The following PTPRT variants were observed in gnomAD, a reference collection of about 807,000 sequenced individuals.
The protein encoded by PTPRT is receptor-type tyrosine-protein phosphatase T.
In PTPRT, 56 loss-of-function variants were observed where a neutral mutation model predicts 176.8. The ratio of observed to expected loss-of-function variants is 0.32; its 90% confidence interval spans 0.26 to 0.40. The LOEUF (loss-of-function observed/expected upper bound fraction) is 0.40. Ranked by LOEUF, PTPRT falls within the 10% of genes least tolerant of loss-of-function variation. The pLI is 1.00. For missense variants in PTPRT, 1,540 were observed against 1,908.2 expected (o/e 0.81, Z 3.60); for synonymous variants, 783 against 739.0 (o/e 1.06, Z -0.96).
At chr20:42,700,558 A>G (rs184348496) in intron 6 of PTPRT, among the ~76,000 whole-genome samples, 53 of 152,358 alleles carry the variant, frequency 3.5e-4, no homozygotes, top group Admixed American at 3.0e-3. Flanking sequence ...AGCCGACCTT[A>G]TTACTCAGAA....
chr20:42,775,014 T>C (rs1241125754), intron 4 of PTPRT, among the ~76,000 whole-genome samples: 1 of 152,230 alleles, frequency 6.6e-6, no homozygotes, highest in Non-Finnish European at 1.5e-5. Flanking sequence ...AGAGAACTTA[T>C]ATTCCACGAG....
intron 2 of PTPRT, among the ~76,000 whole-genome samples, chr20:42,835,359 G>A (rs942159271): frequency 6.6e-6 from 1 of 152,006 alleles, no homozygotes; most frequent in African/African-American, 2.4e-5. Flanking sequence ...CAATATGAGG[G>A]GACTTCAAAA....
At chr20:42,745,656 C>A (rs1325302598) in intron 6 of PTPRT, among the ~76,000 whole-genome samples, 1 of 152,188 alleles carries the variant, frequency 6.6e-6, no homozygotes, top group African/African-American at 2.4e-5. Context: ...TAAACTGGAG[C>A]CCATGGGTTT....
chr20:42,521,406 A>C (rs985938626), intron 7 of PTPRT, among the ~76,000 whole-genome samples: 5 of 152,224 alleles, frequency 3.3e-5, no homozygotes, highest in African/African-American at 1.2e-4. Context: ...TAACAGTCTC[A>C]GAATGACAGA....
intron 20 of PTPRT, among the ~76,000 whole-genome samples, chr20:42,119,013 GAAAAAAA>G (rs11415242): frequency 3.4e-5 from 1 of 29,214 alleles, no homozygotes; most frequent in African/African-American, 1.4e-4. Flanking sequence ...AGAAAGGAAG[GAAAAAAA>G]AAAAAAAAAA....
chr20:42,554,383 A>G (rs1353428741), intron 7 of PTPRT, among the ~76,000 whole-genome samples: 1 of 152,118 alleles, frequency 6.6e-6, no homozygotes, highest in Admixed American at 6.5e-5. Context: ...TTTGCCCACC[A>G]CTAGCTAAAT....
chr20:43,141,216 A>C (rs985243415), intron 1 of PTPRT, among the ~76,000 whole-genome samples: 2 of 152,232 alleles, frequency 1.3e-5, no homozygotes, highest in African/African-American at 4.8e-5. Flanking sequence ...AGCTACCCCC[A>C]ACATTCAGTG....
chr20:42,043,208 G>T, the PTPRT span, among the ~76,000 whole-genome samples: 1 of 152,226 alleles, frequency 6.6e-6, no homozygotes, highest in African/African-American at 2.4e-5. Flanking sequence ...TCAGCCTGTG[G>T]AGGTAGGGGT....
chr20:42,856,584 C>T (rs73907287), intron 2 of PTPRT, among the ~76,000 whole-genome samples: 1 of 151,956 alleles, frequency 6.6e-6, no homozygotes, highest in Non-Finnish European at 1.5e-5. Flanking sequence ...ATCAGCTTCT[C>T]GACAACACCC....
intron 16 of PTPRT, among the ~76,000 whole-genome samples, chr20:42,193,773 CGCATATT>C (rs1991090262): frequency 6.6e-6 from 1 of 151,970 alleles, no homozygotes; most frequent in Non-Finnish European, 1.5e-5. Flanking sequence ...ATTATCAGAG[CGCATATT>C]TTAGATTACA....
intron 25 of PTPRT, among the ~76,000 whole-genome samples, chr20:42,104,086 A>G (rs541697568): frequency 1.2e-4 from 19 of 152,338 alleles, no homozygotes; most frequent in African/African-American, 2.6e-4. Context: ...TTAGCCCCCA[A>G]TGTGATGGTA....
intron 9 of PTPRT, among the ~76,000 whole-genome samples, chr20:42,376,782 C>G (rs139042158): frequency 2.0e-5 from 3 of 151,858 alleles, no homozygotes; most frequent in East Asian, 3.9e-4. Flanking sequence ...CTGGGGAGTA[C>G]GAAAAAATGG....
chr20:42,447,062 T>C (rs2070746672), intron 9 of PTPRT, among the ~76,000 whole-genome samples: 1 of 152,196 alleles, frequency 6.6e-6, no homozygotes, highest in South Asian at 2.1e-4. Flanking sequence ...GTCTGTTAGA[T>C]TAATCTTGAG....
chr20:43,023,165 G>T (rs1985771069), intron 1 of PTPRT, among the ~76,000 whole-genome samples: 1 of 152,190 alleles, frequency 6.6e-6, no homozygotes, highest in East Asian at 1.9e-4. Context: ...GTAACATCGA[G>T]TCTGCAGGAC....
At chr20:42,136,802 C>T (rs1344921316) in intron 18 of PTPRT, among the ~76,000 whole-genome samples, 1 of 152,142 alleles carries the variant, frequency 6.6e-6, no homozygotes, top group Non-Finnish European at 1.5e-5. Flanking sequence ...CAGGAAACAC[C>T]AGCAGGGGAG....
the PTPRT span, among the ~76,000 whole-genome samples, chr20:42,066,329 A>G: frequency 7.8e-3 from 1,182 of 152,284 alleles, 21 homozygotes; most frequent in African/African-American, 0.027. Flanking sequence ...GGCATGAGCC[A>G]CTGCGCCTGG....
chr20:43,111,546 G>GAAAAAAAA (rs11424029), intron 1 of PTPRT, among the ~76,000 whole-genome samples: 1 of 83,448 alleles, frequency 1.2e-5, no homozygotes. Context: ...TCCGTCTCAG[G>GAAAAAAAA]AAAAAAAAAA....
At chr20:42,331,886 T>C (rs568228719) in intron 11 of PTPRT, among the ~76,000 whole-genome samples, 6 of 152,312 alleles carry the variant, frequency 3.9e-5, no homozygotes, top group Non-Finnish European at 7.3e-5. Context: ...GTAATAGTAA[T>C]ACTAAGACTT....
intron 7 of PTPRT, among the ~76,000 whole-genome samples, chr20:42,653,307 C>T (rs1464691121): frequency 6.6e-6 from 1 of 152,216 alleles, no homozygotes; most frequent in Non-Finnish European, 1.5e-5. Flanking sequence ...TCCTGCAAAA[C>T]TGTGAGTCAA....
Sources: allele counts gnomAD v4.1 joint callset (sites outside exome capture counted in the v4.1 genomes callset), GRCh38; gene constraint gnomAD v4.1.1; transcripts MANE v1.5; gene names NCBI Gene and HGNC (gene_info 2026-07-23, HGNC 2026-07-21).